TMTC2: variants seen among roughly 807,000 people sequenced by gnomAD.
The protein encoded by TMTC2 is transmembrane O-mannosyltransferase targeting cadherins 2.
Under a neutral mutation model 82.4 loss-of-function variants are expected in TMTC2, and 43 were observed. The observed-to-expected ratio is 0.52, with a 90% CI of 0.41 to 0.67. TMTC2 has a LOEUF of 0.67. Among genes scored for constraint, TMTC2 ranks in the 30% least tolerant of loss-of-function variants. The probability of loss-of-function intolerance (pLI) is 0.00; values close to 1 mark genes in which losing one functional copy is unlikely to be tolerated. For synonymous variants in TMTC2, 408 were observed against 381.9 expected (o/e 1.07, Z -0.80); for missense variants, 919 against 1,012.4 (o/e 0.91, Z 1.25).
intron 4 of TMTC2, among the ~76,000 whole-genome samples, chr12:82,958,937 T>C (rs1446318374): frequency 2.6e-5 from 4 of 152,126 alleles, no homozygotes; most frequent in African/African-American, 9.7e-5. Context: ...CTAAAGACTC[T>C]GCCAAAAGGC....
At chr12:82,940,900 G>C (rs1443338954) in intron 4 of TMTC2, among the ~76,000 whole-genome samples, 1 of 151,818 alleles carries the variant, frequency 6.6e-6, no homozygotes, top group Non-Finnish European at 1.5e-5. Context: ...ATTTGTGATA[G>C]TATGTGCCTC....
chr12:82,915,301 T>C lies in TMTC2; in HGVS notation c.1484-15130T>C, dbSNP rs144875614. 7.5e-3 allele frequency among the ~76,000 whole-genome samples: 1,145 copies of C among 152,318 alleles called. 15 individuals carry two copies. The highest frequency in any genetic ancestry group is 0.026 in the African/African-American group (1,093 of 41,570). ...TAGAGTGAGTATAGCAATACCATCT[T>C]GTGGTTATGCATAGCATACCTAGCC... On this transcript the variant is annotated intron_variant, in intron 3 of 11. Transcript: ENST00000321196.
At chr12:82,893,811 C>G (rs982840202) in intron 2 of TMTC2, among the ~76,000 whole-genome samples, 1 of 152,060 alleles carries the variant, frequency 6.6e-6, no homozygotes, top group Non-Finnish European at 1.5e-5. Context: ...AGAAAAACTT[C>G]TAAGATCTTA....
At chr12:82,807,568 GACTGAT>G (rs1478664626) in intron 1 of TMTC2, among the ~76,000 whole-genome samples, 3 of 152,098 alleles carry the variant, frequency 2.0e-5, no homozygotes, top group South Asian at 4.1e-4. Context: ...TGTTTCTAAT[GACTGAT>G]GGAAATAAGG....
chr12:82,948,298 C>T (rs2137274636), intron 4 of TMTC2, among the ~76,000 whole-genome samples: 1 of 152,020 alleles, frequency 6.6e-6, no homozygotes, highest in African/African-American at 2.4e-5. Context: ...CCAAGAGACT[C>T]AGGCTGCAGT....
chr12:83,085,890 T>TA (rs1168552917), intron 11 of TMTC2, among the ~76,000 whole-genome samples: 1 of 152,206 alleles, frequency 6.6e-6, no homozygotes, highest in Non-Finnish European at 1.5e-5. Context: ...TGCTGATTTT[T>TA]AAATCTATCT....
At chr12:82,781,869 C>A (rs1251429384) in intron 1 of TMTC2, among the ~76,000 whole-genome samples, 2 of 151,962 alleles carry the variant, frequency 1.3e-5, no homozygotes, top group African/African-American at 4.8e-5. Flanking sequence ...TGACCCTTGT[C>A]ATCTTGCTGT....
In TMTC2 at chr12:82,799,326, C is replaced by T. The variant is rs186330711; in HGVS notation, c.84-57684C>T. 1.2e-3 allele frequency among the ~76,000 whole-genome samples: 176 copies of T among 152,210 alleles called. 1 individual carries two copies. Among genetic ancestry groups the T allele is most frequent in the Non-Finnish European group, 1.4e-3 (95 of 68,010 alleles). ...TGTTGCAGGAAGAGAGATTGTGCCC[C>T]GTTGTTTTCCAGAAGTAAGAAGTGA... On this transcript the variant is annotated intron_variant, in intron 1 of 11. Transcript: ENST00000321196.
rs113581457 is a variant in TMTC2, at chr12:82,869,978, C to T, written c.654+12398C>T. On this transcript the variant is annotated intron_variant, in intron 2 of 11. Coordinates refer to ENST00000321196, the MANE Select transcript of TMTC2 (RefSeq NM_152588.3). Reference sequence around the variant, plus strand: ...TCCCAACCAGGTTGAATGCTTTTGTCACTGTAAACATATTTCTCTTTTAAT... The same window carrying T: ...TCCCAACCAGGTTGAATGCTTTTGTTACTGTAAACATATTTCTCTTTTAAT... Among the ~76,000 whole-genome samples the T allele has an allele frequency of 7.0e-3, 1,062 of 152,244 alleles. 15 individuals carry two copies. The highest frequency in any genetic ancestry group is 0.024 in the African/African-American group (1,008 of 41,542).
chr12:83,069,943 G>A (rs1313457933), intron 11 of TMTC2, among the ~76,000 whole-genome samples: 2 of 151,982 alleles, frequency 1.3e-5, no homozygotes, highest in African/African-American at 4.8e-5. Flanking sequence ...TGTTGAAAAG[G>A]GTGTCCTTTC....
At chr12:82,772,180 CT>C (rs1877348245) in intron 1 of TMTC2, among the ~76,000 whole-genome samples, 1 of 152,124 alleles carries the variant, frequency 6.6e-6, no homozygotes, top group South Asian at 2.1e-4. Context: ...TACTGTTTAT[CT>C]TGATAAGGGG....
intron 3 of TMTC2, among the ~76,000 whole-genome samples, chr12:82,899,607 T>TATATATATATAAGAATATATATATGTGGA (rs1565799987): frequency 1.5e-5 from 2 of 132,574 alleles, no homozygotes; most frequent in Non-Finnish European, 3.1e-5. Context: ...ATATGTGGAA[T>TATATATATATAAGAATATATATATGTGGA]ATATATATAT....
chr12:82,780,362 CAG>C (rs2137007776), intron 1 of TMTC2, among the ~76,000 whole-genome samples: 1 of 151,968 alleles, frequency 6.6e-6, no homozygotes, highest in South Asian at 2.1e-4. Context: ...TTGCAAGAAA[CAG>C]AGAATAGATA....
intron 1 of TMTC2, among the ~76,000 whole-genome samples, chr12:82,766,078 G>C (rs914400209): frequency 1.3e-5 from 2 of 152,176 alleles, no homozygotes; most frequent in African/African-American, 4.8e-5. Context: ...CAGTTTCACA[G>C]TTAAAAGACT....
At chr12:83,112,950 A>G (rs1884642219) in intron 11 of TMTC2, among the ~76,000 whole-genome samples, 4 of 152,228 alleles carry the variant, frequency 2.6e-5, no homozygotes, top group Admixed American at 2.6e-4. Context: ...ATTACAGATG[A>G]GTCTGAAAGA....
intron 1 of TMTC2, among the ~76,000 whole-genome samples, chr12:82,724,735 C>T (rs755325746): frequency 6.6e-6 from 1 of 152,168 alleles, no homozygotes; most frequent in East Asian, 1.9e-4. Context: ...TCCGTCTTCT[C>T]AAAATAGGTT....
chr12:83,024,075 C>G (rs1281474655), intron 8 of TMTC2, among the ~76,000 whole-genome samples: 2 of 152,050 alleles, frequency 1.3e-5, no homozygotes, highest in African/African-American at 4.8e-5. Flanking sequence ...TTGTATAGTT[C>G]AGAAGAGCTA....
At chr12:82,756,024 G>C (rs181636369) in intron 1 of TMTC2, among the ~76,000 whole-genome samples, 10 of 152,194 alleles carry the variant, frequency 6.6e-5, no homozygotes, top group Non-Finnish European at 1.3e-4. Flanking sequence ...AAAATAAGTT[G>C]AAGGAACATT....
intron 1 of TMTC2, among the ~76,000 whole-genome samples, chr12:82,842,765 G>A (rs1327875446): frequency 1.3e-5 from 2 of 152,124 alleles, no homozygotes; most frequent in Non-Finnish European, 1.5e-5. Flanking sequence ...CCACATTCTT[G>A]CTGTGTCCTA....
Sources: allele counts gnomAD v4.1 joint callset (sites outside exome capture counted in the v4.1 genomes callset), GRCh38; gene constraint gnomAD v4.1.1; transcripts MANE v1.5; gene names NCBI Gene and HGNC (gene_info 2026-07-23, HGNC 2026-07-21).